APBB2: variants seen among roughly 807,000 people sequenced by gnomAD.
APBB2 encodes amyloid beta precursor protein binding family B member 2.
In APBB2, 38 loss-of-function variants were observed where a neutral mutation model predicts 82.5. The ratio of observed to expected loss-of-function variants is 0.46; its 90% CI spans 0.36 to 0.60. The LOEUF (loss-of-function observed/expected upper bound fraction) is 0.60, where lower values mean the gene tolerates loss of function less well. APBB2 is among the 20% of genes least tolerant of loss of function. The probability of loss-of-function intolerance (pLI) is 0.00; values close to 1 mark genes in which losing one functional copy is unlikely to be tolerated. For missense variants in APBB2, 772 were observed against 972.3 expected, an observed-to-expected ratio of 0.79 and a Z score of 2.74; for synonymous variants, 341 against 368.2, an observed-to-expected ratio of 0.93 and a Z score of 0.85.
chr4:40,985,925 C>T (rs1800294879), intron 6 of APBB2, among the ~76,000 whole-genome samples: 1 of 152,152 alleles, frequency 6.6e-6, no homozygotes, highest in Non-Finnish European at 1.5e-5. Flanking sequence ...TCCAAATTAT[C>T]TTAAGTACAG....
At position 40,867,880 on chromosome 4, in the gene APBB2, T is replaced by A. The variant is rs1578086674; in HGVS notation, c.1529+22484A>T. ...TTTCTGGGGCTTTTTTTTTTTTTTT[T>A]AAGAATACAAAATTTATCTTCCTTT... On this transcript the variant is annotated intron_variant, in intron 12 of 17. Transcript: ENST00000508593. 4.9e-5 allele frequency among the ~76,000 whole-genome samples: 7 copies of A among 142,146 alleles called. 1 individual carries two copies. The South Asian group carries it at 1.5e-3, about 31-fold the overall frequency. 93.3% of individuals were successfully genotyped at this position (142,146 alleles called of 152,430 possible).
intron 3 of APBB2, among the ~76,000 whole-genome samples, chr4:41,087,580 C>T (rs968900403): frequency 6.6e-6 from 1 of 152,080 alleles, no homozygotes; most frequent in Non-Finnish European, 1.5e-5. Context: ...AAGCATGCAT[C>T]ACCATGACTG....
intron 12 of APBB2, among the ~76,000 whole-genome samples, chr4:40,845,968 GGGGTGGGTAGGTGGGTGTGGGT>G (rs1436327139): frequency 7.2e-6 from 1 of 139,106 alleles, no homozygotes; most frequent in Non-Finnish European, 1.5e-5. Flanking sequence ...TCCAGCTTCA[GGGGTGGGTAGGTGGGTGTGGGT>G]GGGTGGGTGG....
At chr4:41,069,238 C>A (rs1237058674) in intron 3 of APBB2, among the ~76,000 whole-genome samples, 4 of 152,172 alleles carry the variant, frequency 2.6e-5, no homozygotes, top group Non-Finnish European at 5.9e-5. Flanking sequence ...GTGGCACCTG[C>A]CACTGAGACT....
At chr4:40,950,887 CAATG>C (rs1162812608) in intron 6 of APBB2, among the ~76,000 whole-genome samples, 1 of 151,712 alleles carries the variant, frequency 6.6e-6, no homozygotes, top group Non-Finnish European at 1.5e-5. Flanking sequence ...TTAAAAAAGA[CAATG>C]AATAAATTAC....
chr4:41,112,825 T>C (rs527489399), intron 2 of APBB2, among the ~76,000 whole-genome samples: 8 of 152,078 alleles, frequency 5.3e-5, no homozygotes, highest in Middle Eastern at 3.4e-3. Context: ...CCATCTGTAC[T>C]AAAAATGCAA....
chr4:41,016,058 A>C (rs1239367666), intron 5 of APBB2, among the ~76,000 whole-genome samples: 1 of 152,216 alleles, frequency 6.6e-6, no homozygotes, highest in Non-Finnish European at 1.5e-5. Context: ...TGAAACCTAC[A>C]TGAAGTTTTC....
At chr4:40,930,448 T>TGTGTGTGC (rs1480774001) in intron 10 of APBB2, among the ~76,000 whole-genome samples, 2 of 66,550 alleles carry the variant, frequency 3.0e-5, no homozygotes, top group African/African-American at 1.3e-4. Flanking sequence ...TGTGTGTGTG[T>TGTGTGTGC]GCGCGCGCGC....
chr4:40,840,177 C>T (rs145885316), intron 12 of APBB2, among the ~76,000 whole-genome samples: 45 of 152,286 alleles, frequency 3.0e-4, no homozygotes, highest in Non-Finnish European at 6.3e-4. Flanking sequence ...GGCTTTCTCT[C>T]CTCTTTGTTT....
At chr4:41,126,309 AG>A (rs1754389817) in intron 2 of APBB2, among the ~76,000 whole-genome samples, 1 of 152,050 alleles carries the variant, frequency 6.6e-6, no homozygotes, top group Non-Finnish European at 1.5e-5. Context: ...GCTTGAGACC[AG>A]GAAGTCAAGG....
chr4:40,910,374 AC>A (rs926329404), intron 10 of APBB2, among the ~76,000 whole-genome samples: 7 of 151,934 alleles, frequency 4.6e-5, no homozygotes, highest in Admixed American at 1.3e-4. Context: ...AGTAGCTGGG[AC>A]TACAGGCTAC....
chr4:40,825,481 A>AGG (rs1749586940), intron 15 of APBB2, among the ~76,000 whole-genome samples: 1 of 151,844 alleles, frequency 6.6e-6, no homozygotes, highest in South Asian at 2.1e-4. Flanking sequence ...CTACTGTGTC[A>AGG]CTCCTTGACA....
At chr4:40,999,949 T>A (rs116439219) in intron 6 of APBB2, among the ~76,000 whole-genome samples, 1,846 of 152,054 alleles carry the variant, frequency 0.012, 44 homozygotes, top group African/African-American at 0.042. Flanking sequence ...ATCCTAGCAC[T>A]TTGAGAGGCC....
rs555011830 is a variant in APBB2, at chr4:40,830,095, T to C, written c.1644+368A>G. Among the ~76,000 whole-genome samples, 4 of 152,288 alleles carry C rather than the reference T, an allele frequency of 2.6e-5. No homozygotes were observed. The South Asian group carries it at 8.3e-4, about 32-fold the overall frequency. On this transcript the variant is annotated intron_variant, in intron 13 of 17. Transcript: ENST00000508593. ...TTTTGCCTACCTGAGATATATACAT[T>C]TCTAGGCTGCGGGAGGGACTATGGT...
intron 10 of APBB2, among the ~76,000 whole-genome samples, chr4:40,908,447 C>T (rs1430809337): frequency 6.6e-6 from 1 of 152,152 alleles, no homozygotes; most frequent in Non-Finnish European, 1.5e-5. Context: ...CTTGCTGCCT[C>T]CTAGGTGCGG....
chr4:40,956,297 G>T (rs1791628475), intron 6 of APBB2, among the ~76,000 whole-genome samples: 1 of 152,132 alleles, frequency 6.6e-6, no homozygotes, highest in Admixed American at 6.5e-5. Context: ...TTTGCTGAGG[G>T]TTCCAGGCAG....
At chr4:40,857,123 A>G (rs935903219) in intron 12 of APBB2, 2 of 985,306 alleles carry the variant, frequency 2.0e-6, no homozygotes, top group Non-Finnish European at 2.4e-6. Context: ...GCCGTCGCTC[A>G]AGCAGCCGCG....
intron 6 of APBB2, among the ~76,000 whole-genome samples, chr4:40,973,925 C>T (rs896512448): frequency 5.9e-5 from 9 of 151,364 alleles, no homozygotes; most frequent in African/African-American, 1.2e-4. Flanking sequence ...GATCTCGGCT[C>T]ACTGCAACCT....
chr4:40,902,529 TG>T (rs1199989368), intron 10 of APBB2, among the ~76,000 whole-genome samples: 1 of 152,126 alleles, frequency 6.6e-6, no homozygotes, highest in Non-Finnish European at 1.5e-5. Context: ...CCAGGTTTTT[TG>T]TTTTTGTTTT....
Sources: allele counts gnomAD v4.1 joint callset (sites outside exome capture counted in the v4.1 genomes callset), GRCh38; gene constraint gnomAD v4.1.1; transcripts MANE v1.5; gene names NCBI Gene and HGNC (gene_info 2026-07-23, HGNC 2026-07-21).